CHTF18: variants seen among roughly 807,000 people sequenced by gnomAD.
CHTF18 encodes chromosome transmission fidelity protein 18 homolog.
Under a neutral mutation model 113.4 loss-of-function variants are expected in CHTF18, and 151 were observed. That is an observed-to-expected ratio of 1.33 (90% CI 1.17 to 1.52). The LOEUF (loss-of-function observed/expected upper bound fraction) is 1.52, where lower values mean the gene tolerates loss of function less well. Ranked by LOEUF, CHTF18 falls within the 40% of genes most tolerant of loss-of-function variation. The probability of loss-of-function intolerance (pLI) is 0.00; values close to 1 mark genes in which losing one functional copy is unlikely to be tolerated. For synonymous variants in CHTF18, 916 were observed against 598.8 expected, an observed-to-expected ratio of 1.53 and a Z score of -7.74; for missense variants, 1,982 against 1,381.6, an observed-to-expected ratio of 1.43 and a Z score of -6.89.
At chr16:794,940 C>T (rs2151647989) in intron 15 of CHTF18, 192 bp from the exon 16 acceptor site, 5 of 591,784 alleles carry the variant, frequency 8.4e-6, no homozygotes, top group South Asian at 8.0e-5. Flanking sequence ...CCCTTGGGCC[C>T]AGTGACCCCT....
In CHTF18 at chr16:794,072, C is replaced by T. The variant is rs768812247; in HGVS notation, c.1821C>T (p.Asp607=). 5 of 1,611,504 alleles carry T rather than the reference C, an allele frequency of 3.1e-6. No homozygotes were observed. Among genetic ancestry groups the T allele is most frequent in the Non-Finnish European group, 4.2e-6 (5 of 1,179,572 alleles). The part of the protein sequence containing the change: ...PRAQRRRVGQ[D]PALPADTLLL... ...CCTGCAGGCGCCGTGTGGGCCAGGA[C>T]CCCGCCCTGCCTGCTGACACACTCC... The change falls in exon 15 of 22, where the codon GAC becomes GAT. Residue 607 remains aspartate (D), a synonymous_variant. Coordinates refer to ENST00000262315, the MANE Select transcript of CHTF18 (RefSeq NM_022092.3).
At chr16:791,123 G>T (rs369884054) in intron 7 of CHTF18, 38 bp from the exon 8 acceptor site, 5 of 1,579,894 alleles carry the variant, frequency 3.2e-6, no homozygotes, top group Non-Finnish European at 4.3e-6. Context: ...TGGAGGCGGT[G>T]CCCTCAGGCT....
Position 789,977 on chromosome 16 carries a change from C to A in CHTF18, c.607-200C>A, listed in dbSNP as rs748275122. ...CTGCTTTTGCCCTTTCCTCCTTTCT[C>A]CTAAAGCTGCCCCCAATTTCCCTTT... On this transcript the variant is annotated intron_variant, in intron 4 of 21. Transcript: ENST00000262315. 1.8e-5 allele frequency: 27 copies of A among 1,535,012 alleles called. 1 individual carries two copies. The African/African-American group carries it at 2.7e-4, about 16-fold the overall frequency.
At position 795,295 on chromosome 16, in the gene CHTF18, TC is replaced by T; in HGVS notation, c.2116del (p.His706MetfsTer25). The T allele has an allele frequency of 6.5e-7, 1 of 1,548,908 alleles. No individual in the cohort carries two copies. On this transcript the variant is annotated frameshift_variant, in exon 16 of 22. Transcript: ENST00000262315. LOFTEE classifies it high-confidence loss of function. ...LRYPPFLPVAFHVLFASSHTP... is the reference protein window; with the variant it reads ...LRYPPFLPVAXHVLFASSHTP... ...TACCCACCCTTCCTGCCCGTGGCCTTCCATGTGCTGTTTGCTTCCAGCCACA... is the reference window on the plus strand; with the variant it reads ...TACCCACCCTTCCTGCCCGTGGCCTTCATGTGCTGTTTGCTTCCAGCCACA...
At chr16:790,909 C>G in intron 7 of CHTF18, 1 of 1,433,012 alleles carries the variant, frequency 7.0e-7, no homozygotes. Flanking sequence ...GTTCCCTTTC[C>G]TACCTTCACA....
In CHTF18 at chr16:788,743, C is replaced by T. The variant is rs866377802; in HGVS notation, c.59C>T (p.Ala20Val). ...GAGGATGATTTCCACAACCAGTTCG[C>T]GGCCGAGCTGGAGGTGCTGGCAGAG... ...GVEDDFHNQF[A>V]AELEVLAELE... The change falls in exon 1 of 22, where the codon GCG becomes GTG. Residue 20 changes from alanine to valine, a missense_variant. Ala to Val is a moderately conservative substitution (Grantham distance 64, BLOSUM62 0). Coordinates refer to ENST00000262315, the MANE Select transcript of CHTF18 (RefSeq NM_022092.3). 1.2e-6 allele frequency: 2 copies of T among 1,602,014 alleles called. No homozygotes were observed. Among genetic ancestry groups the T allele is most frequent in the Non-Finnish European group, 8.5e-7 (1 of 1,175,420 alleles).
At position 792,721 on chromosome 16, in the gene CHTF18, C is replaced by G; in HGVS notation, c.1482C>G (p.Phe494Leu). Residue 494 changes from phenylalanine to leucine, a missense_variant, in exon 12 of 22, where the codon TTC becomes TTG. By Grantham distance (22) the Phe-to-Leu change is conservative. Transcript: ENST00000262315. ...TGGCCCTGCCGCCTCTCCTCAGGTT[C>G]GCACCGTCCCTGCGGCAGCTGAAGC... Reference protein sequence around the residue: ...RPIICICNDQFAPSLRQLKQQ... With the variant: ...RPIICICNDQLAPSLRQLKQQ... 6.4e-7 allele frequency: 1 copy of G among 1,563,208 alleles called. No homozygotes were observed. Among genetic ancestry groups the G allele is most frequent in the Non-Finnish European group, 8.6e-7 (1 of 1,159,122 alleles).
intron 4 of CHTF18, 97 bp from the exon 5 acceptor site, chr16:790,080 G>C: frequency 6.5e-7 from 1 of 1,538,084 alleles, no homozygotes; most frequent in Non-Finnish European, 8.7e-7. Context: ...CAGCTTACTG[G>C]GGTTGTCCCA....
In CHTF18 at chr16:797,853, G is replaced by C. The variant is rs1310710215; in HGVS notation, c.2806G>C (p.Glu936Gln). 1.2e-6 allele frequency: 2 copies of C among 1,606,378 alleles called. No individual in the cohort carries two copies. Among genetic ancestry groups the C allele is most frequent in the Non-Finnish European group, 1.7e-6 (2 of 1,177,156 alleles). Residue 936 changes from glutamate to glutamine, a missense_variant, in exon 22 of 22, where the codon GAG becomes CAG. Glu to Gln is a conservative substitution (Grantham distance 29). Transcript: ENST00000262315. ...AVPSAGDTAP[E>Q]QDSVERRMGT... is the part of the protein sequence containing the mutation. Reference sequence around the variant, plus strand: ...TGGCCCCGCAGGGGACACGGCCCCGGAGCAGGACTCAGTGGAGCGGCGCAT... The same window carrying C: ...TGGCCCCGCAGGGGACACGGCCCCGCAGCAGGACTCAGTGGAGCGGCGCAT...
chr16:794,927 G>C, intron 15 of CHTF18: 2 of 575,038 alleles, frequency 3.5e-6, no homozygotes, highest in South Asian at 4.1e-5. Flanking sequence ...ACCCTCCCCC[G>C]ACCCCTTGGG....
chr16:794,256 T>C, intron 15 of CHTF18, 55 bp downstream of exon 15: 2 of 1,576,542 alleles, frequency 1.3e-6, no homozygotes, highest in East Asian at 4.5e-5. Context: ...GGACCTGGGC[T>C]GTGCCCCTGC....
At position 789,537 on chromosome 16, in the gene CHTF18, C is replaced by T. The variant is rs1183486465; in HGVS notation, c.438-10C>T. 3 of 1,588,378 alleles carry T rather than the reference C, an allele frequency of 1.9e-6. No individual in the cohort carries two copies. The highest frequency in any genetic ancestry group is 2.2e-5 in the East Asian group (1 of 44,526). ...TGAGTTTCTGCCACTGAGCCCCGGT[C>T]TCTCTCCAGAGTCTCAGAAGCTGCT... On this transcript the variant is annotated splice_polypyrimidine_tract_variant and intron_variant, in intron 3 of 21. Coordinates refer to ENST00000262315, the MANE Select transcript of CHTF18 (RefSeq NM_022092.3).
rs575052159 is a variant in CHTF18 at position 790,666 on chromosome 16, C to A, written c.894C>A (p.Asp298Glu). The change falls in exon 7 of 22, where the codon GAC becomes GAA. Residue 298 changes from aspartate (D) to glutamate (E), a missense_variant and splice_region_variant. Physicochemically the swap from Asp to Glu is conservative, Grantham distance 45 (BLOSUM62 2). Transcript: ENST00000262315. Reference sequence around the variant, plus strand: ...ACTACACGGAGCTGCTCAGTGATGACGTGAGGTCTTGTTCTCACTCAAGTG... The same window carrying A: ...ACTACACGGAGCTGCTCAGTGATGAAGTGAGGTCTTGTTCTCACTCAAGTG... ...PRHYTELLSD[D>E]FTNRCLLKWL... 9 of 1,556,006 alleles carry A rather than the reference C, an allele frequency of 5.8e-6. No individual in the cohort carries two copies. The highest frequency in any genetic ancestry group is 2.0e-5 in the Admixed American group (1 of 50,112).
At position 790,342 on chromosome 16, in the gene CHTF18, C is replaced by T. The variant is rs1596749379; in HGVS notation, c.700-5C>T. On this transcript the variant is annotated splice_region_variant and splice_polypyrimidine_tract_variant and intron_variant, in intron 5 of 21. Coordinates refer to ENST00000262315, the MANE Select transcript of CHTF18 (RefSeq NM_022092.3). ...CCTCCTGATTCCAGCCTGTTGTTTG[C>T]ACAGCGGCGGGAGCGGCTGCTTCAG... The T allele has an allele frequency of 6.2e-7, 1 of 1,612,460 alleles. No homozygotes were observed. The highest frequency in any genetic ancestry group is 2.2e-5 in the East Asian group (1 of 44,888).
chr16:795,980 C>T lies in CHTF18; in HGVS notation c.2359C>T (p.Gln787Ter), dbSNP rs1331887519. 4 of 1,609,196 alleles carry T rather than the reference C, an allele frequency of 2.5e-6. No homozygotes were observed. The highest frequency in any genetic ancestry group is 1.3e-5 in the African/African-American group (1 of 74,836). The change falls in exon 18 of 22, where the codon CAA (glutamine) becomes TAA (stop). Residue 787 changes from glutamine to a stop codon, truncating the protein, a stop_gained. Transcript: ENST00000262315. LOFTEE classifies it high-confidence loss of function. The part of the protein sequence containing the change: ...STQLYSTREK[Q>*]QLASLVGTML... Reference sequence around the variant, plus strand: ...ACAGCTGTACAGCACCCGTGAAAAGCAACAGCTGGCCAGCCTGGTGGGCAC... The same window carrying T: ...ACAGCTGTACAGCACCCGTGAAAAGTAACAGCTGGCCAGCCTGGTGGGCAC...
At chr16:796,261 G>T (rs1267237562) in intron 18 of CHTF18, among the ~76,000 whole-genome samples, 184 bp downstream of exon 18, 1 of 152,218 alleles carries the variant, frequency 6.6e-6, no homozygotes, top group Non-Finnish European at 1.5e-5. Flanking sequence ...ACTTGAGATT[G>T]GCTCTGGGAC....
chr16:791,346 C>T lies in CHTF18; in HGVS notation c.1080C>T (p.Asp360=), dbSNP rs2042190130. ...VLEEMLEAGL[D]PSQRPKQKVA... Reference sequence around the variant, plus strand: ...AGGAGATGCTGGAGGCTGGGCTGGACCCGAGCCAGCGACCGAAGCAGAAGG... The same window carrying T: ...AGGAGATGCTGGAGGCTGGGCTGGATCCGAGCCAGCGACCGAAGCAGAAGG... Residue 360 remains aspartate, a synonymous_variant, in exon 8 of 22, where the codon GAC becomes GAT. Coordinates refer to ENST00000262315, the MANE Select transcript of CHTF18 (RefSeq NM_022092.3). 1 of 1,605,792 alleles carries T rather than the reference C, an allele frequency of 6.2e-7. No individual in the cohort carries two copies. The highest frequency in any genetic ancestry group is 8.5e-7 in the Non-Finnish European group (1 of 1,178,402).
rs773283568 is a variant in CHTF18 at position 792,553 on chromosome 16, C to T, written c.1441C>T (p.Leu481Phe). The T allele has an allele frequency of 3.1e-6, 5 of 1,596,668 alleles. No homozygotes were observed. The highest frequency in any genetic ancestry group is 2.2e-5 in the East Asian group (1 of 44,808). ...CCGACGGCGCCGGGCAGAGGGGGGG[C>T]TCCTCATGAGGCCCATTATCTGCAT... is the stretch of plus-strand genomic sequence containing the variant. The part of the protein sequence containing the change: ...GGRRRRAEGG[L>F]LMRPIICICN... The change falls in exon 11 of 22, where the codon CTC becomes TTC. Residue 481 changes from leucine (L) to phenylalanine (F), a missense_variant. Coordinates refer to ENST00000262315, the MANE Select transcript of CHTF18 (RefSeq NM_022092.3).
At chr16:789,384 C>A in intron 3 of CHTF18, 24 bp downstream of exon 3, 1 of 1,560,934 alleles carries the variant, frequency 6.4e-7, no homozygotes, top group Non-Finnish European at 8.7e-7. Context: ...ACATGGGCGT[C>A]CCATCCCATC....
Sources: allele counts gnomAD v4.1 joint callset (sites outside exome capture counted in the v4.1 genomes callset), GRCh38; gene constraint gnomAD v4.1.1; transcripts MANE v1.5; gene names NCBI Gene and HGNC (gene_info 2026-07-23, HGNC 2026-07-21).